PLEKHA8: variants seen among roughly 807,000 people sequenced by gnomAD.
The protein encoded by PLEKHA8 is pleckstrin homology domain-containing family A member 8.
In PLEKHA8, 36 loss-of-function variants were observed where a neutral mutation model predicts 68.2. The observed-to-expected ratio is 0.53, with a 90% CI of 0.40 to 0.70. The LOEUF (loss-of-function observed/expected upper bound fraction) is 0.70, where lower values mean the gene tolerates loss of function less well. PLEKHA8 is among the 30% of genes least tolerant of loss of function. PLEKHA8 has a pLI of 0.00. For missense variants in PLEKHA8, 505 were observed against 615.4 expected, an observed-to-expected ratio of 0.82 and a Z score of 1.90; for synonymous variants, 211 against 216.1, an observed-to-expected ratio of 0.98 and a Z score of 0.20.
rs1795366499 is a variant in PLEKHA8, at chr7:30,090,338, A to G, written c.*163A>G. The G allele has an allele frequency of 3.8e-5, 31 of 817,756 alleles. No homozygotes were observed. In the South Asian group the frequency reaches 6.2e-4, roughly 16 times the overall value. The allele number at this position is 817,756 out of a possible 1,614,324, so 50.7% of individuals were successfully genotyped here. A position where few individuals can be genotyped will look rare whatever the true frequency, so the allele number is the denominator to read the frequency against. Reference sequence around the variant, plus strand: ...GAGTATTTCCGAAGTTCTGAGTAGGAAAAAAGAATGACTCAAATGTATTAT... The same window carrying G: ...GAGTATTTCCGAAGTTCTGAGTAGGGAAAAAGAATGACTCAAATGTATTAT... On this transcript the variant is annotated 3_prime_UTR_variant, in exon 13 of 13. Coordinates refer to the PLEKHA8 transcript ENST00000258679.
intron 9 of PLEKHA8, 139 bp downstream of exon 9, chr7:30,055,481 A>G: frequency 1.4e-6 from 1 of 698,600 alleles, no homozygotes; most frequent in Non-Finnish European, 2.5e-6. Flanking sequence ...AGACACATAC[A>G]GTTAAAACTG....
At chr7:30,060,468 AATGAG>A (rs562282377) in intron 9 of PLEKHA8, among the ~76,000 whole-genome samples, 51 of 152,256 alleles carry the variant, frequency 3.3e-4, no homozygotes, top group African/African-American at 1.1e-3. Flanking sequence ...AAGAATCATT[AATGAG>A]ATATTTTGCA....
Position 30,031,971 on chromosome 7 carries a change from C to CA in PLEKHA8, c.40+3181dup, listed in dbSNP as rs879560755. 3.7e-3 allele frequency among the ~76,000 whole-genome samples: 517 copies of CA among 141,262 alleles called. 4 individuals carry two copies. The highest frequency in any genetic ancestry group is 0.011 in the South Asian group (50 of 4,498). 92.7% of individuals were successfully genotyped at this position (141,262 alleles called of 152,430 possible). ...CTCTATCCTCCTTCAATGAAAAATA[C>CA]AAAAAAAAAAAAGTTTACATGTATT... On this transcript the variant is annotated intron_variant, in intron 1 of 13. Coordinates refer to ENST00000449726, the MANE Select transcript of PLEKHA8 (RefSeq NM_001197026.2).
intron 10 of PLEKHA8, 129 bp downstream of exon 10, chr7:30,061,071 T>C (rs1264814735): frequency 2.4e-6 from 2 of 823,162 alleles, no homozygotes. Flanking sequence ...AGCAAGCATC[T>C]TTCTTCTCAC....
chr7:30,058,035 A>G (rs1330215140), intron 9 of PLEKHA8, among the ~76,000 whole-genome samples: 1 of 152,064 alleles, frequency 6.6e-6, no homozygotes, highest in Non-Finnish European at 1.5e-5. Flanking sequence ...TTTAATTTGC[A>G]TTTCCATGAT....
chr7:30,082,314 C>T lies in PLEKHA8; in HGVS notation c.*3527C>T. 1 of 985,526 alleles carries T rather than the reference C, an allele frequency of 1.0e-6. No individual in the cohort carries two copies. Among genetic ancestry groups the T allele is most frequent in the Non-Finnish European group, 1.2e-6 (1 of 830,038 alleles). 61.0% of individuals were successfully genotyped at this position (985,526 alleles called of 1,614,324 possible). ...TGCCAGCAGTACCGCCATCAGCACA[C>T]CAAATCTACCCCCACTTATGTTTGT... On this transcript the variant is annotated 3_prime_UTR_variant, in exon 14 of 14. Coordinates refer to ENST00000449726, the MANE Select transcript of PLEKHA8 (RefSeq NM_001197026.2).
exon 14 of PLEKHA8, chr7:30,129,344 C>G: frequency 1.2e-6 from 2 of 1,612,496 alleles, no homozygotes; most frequent in Non-Finnish European, 1.7e-6. Flanking sequence ...AAGCCACACA[C>G]TAAGGACGGT....
intron 2 of PLEKHA8, among the ~76,000 whole-genome samples, chr7:30,045,963 G>A (rs10951258): frequency 0.14 from 21,992 of 152,234 alleles, 1,627 homozygotes; most frequent in Middle Eastern, 0.19. Context: ...GGTGATTCTT[G>A]TTTGGGCTGA....
Position 30,079,845 on chromosome 7 carries a change from T to C in PLEKHA8, c.*1058T>C. The C allele has an allele frequency of 1.0e-6, 1 of 953,820 alleles. No individual in the cohort carries two copies. The highest frequency in any genetic ancestry group is 1.2e-6 in the Non-Finnish European group (1 of 801,372). The allele number at this position is 953,820 out of a possible 1,614,324, so 59.1% of individuals were successfully genotyped here. A position where few individuals can be genotyped will look rare whatever the true frequency, so the allele number is the denominator to read the frequency against. Reference sequence around the variant, plus strand: ...ACACAGTATTGAAGAGCAACTAGATTAAATTCTAGTTTACAAAATTACCAG... The same window carrying C: ...ACACAGTATTGAAGAGCAACTAGATCAAATTCTAGTTTACAAAATTACCAG... On this transcript the variant is annotated 3_prime_UTR_variant, in exon 14 of 14. Transcript: ENST00000449726.
At chr7:30,115,184 T>C (rs955310856) in intron 13 of PLEKHA8, among the ~76,000 whole-genome samples, 20 of 152,204 alleles carry the variant, frequency 1.3e-4, no homozygotes, top group African/African-American at 4.8e-4. Flanking sequence ...TTGTCAAGCA[T>C]TTTAAGGCAG....
intron 10 of PLEKHA8, among the ~76,000 whole-genome samples, chr7:30,061,245 C>CT (rs1793413085): frequency 6.6e-6 from 1 of 152,024 alleles, no homozygotes; most frequent in African/African-American, 2.4e-5. Context: ...TGATTCTGTG[C>CT]TTTTTTAGGT....
chr7:30,065,532 T>G (rs561733125), intron 12 of PLEKHA8, among the ~76,000 whole-genome samples: 1 of 152,070 alleles, frequency 6.6e-6, no homozygotes, highest in South Asian at 2.1e-4. Context: ...ATATTTCTTC[T>G]GGGATAATGG....
At chr7:30,090,003 A>C in intron 12 of PLEKHA8, 2 of 645,200 alleles carry the variant, frequency 3.1e-6, no homozygotes, top group Non-Finnish European at 5.0e-6. Flanking sequence ...TGAAAGGATA[A>C]ATGTAGGAGT....
Position 30,084,042 on chromosome 7 carries a change from T to C in PLEKHA8, c.*5255T>C, listed in dbSNP as rs1003475386. On this transcript the variant is annotated 3_prime_UTR_variant, in exon 14 of 14. Transcript: ENST00000449726. ...TTCCCATGTATCATGAGAATTTCAC[T>C]AGAATGTCATTAAACAGCCCAACTA... The C allele has an allele frequency of 5.1e-6, 5 of 985,324 alleles. No individual in the cohort carries two copies. The highest frequency in any genetic ancestry group is 6.0e-6 in the Non-Finnish European group (5 of 829,934). 61.0% of individuals were successfully genotyped at this position (985,324 alleles called of 1,614,324 possible).
downstream of PLEKHA8, among the ~76,000 whole-genome samples, chr7:30,092,608 A>T (rs1385564810): frequency 1.3e-5 from 2 of 152,152 alleles, no homozygotes; most frequent in Non-Finnish European, 2.9e-5. Flanking sequence ...CATACTCCGG[A>T]GGACATCTGT....
At chr7:30,033,168 A>T (rs749252067) in intron 1 of PLEKHA8, among the ~76,000 whole-genome samples, 1 of 152,242 alleles carries the variant, frequency 6.6e-6, no homozygotes, top group Non-Finnish European at 1.5e-5. Context: ...TTCATAAACC[A>T]TAAAATTCAT....
Position 30,052,782 on chromosome 7 carries a change from A to C in PLEKHA8, c.712A>C (p.Lys238Gln), listed in dbSNP as rs138661650. 2.6e-6 allele frequency: 4 copies of C among 1,567,636 alleles called. No individual in the cohort carries two copies. In the African/African-American group the frequency reaches 5.6e-5, roughly 22 times the overall value. The change falls in exon 7 of 14, where the codon AAA becomes CAA. Residue 238 changes from lysine to glutamine, a missense_variant. Transcript: ENST00000449726. ...AAATGGTGAGGAAGAAATCCTAATG[A>C]AAAATAAGAATTCCTTATATTTGAA... is the stretch of plus-strand genomic sequence containing the variant. Reference protein sequence around the residue: ...EINGEEEILMKNKNSLYLKSA... With the variant: ...EINGEEEILMQNKNSLYLKSA...
At chr7:30,118,884 G>C (rs1301299559) in intron 13 of PLEKHA8, among the ~76,000 whole-genome samples, 1 of 152,216 alleles carries the variant, frequency 6.6e-6, no homozygotes, top group East Asian at 1.9e-4. Context: ...TGGCATCAAT[G>C]CCTAAGTTAC....
intron 13 of PLEKHA8, among the ~76,000 whole-genome samples, chr7:30,076,996 A>G (rs1166037163): frequency 2.0e-5 from 3 of 152,164 alleles, no homozygotes; most frequent in African/African-American, 4.8e-5. Context: ...CATCTTGGTC[A>G]CTAACTAGCC....
Sources: gnomAD v4.1 joint callset for allele counts (sites outside exome capture counted in the v4.1 genomes callset) on GRCh38, gnomAD v4.1.1 for gene constraint, MANE v1.5 for transcripts, NCBI Gene and HGNC (gene_info 2026-07-23, HGNC 2026-07-21) for gene names.